Variants in CSMD1 observed in about 807,000 individuals in gnomAD.
The protein encoded by CSMD1 is CUB and Sushi multiple domains 1.
Under a neutral mutation model 417.5 loss-of-function variants are expected in CSMD1, and 213 were observed. The observed-to-expected ratio is 0.51, with a 90% confidence interval of 0.46 to 0.57. The LOEUF (loss-of-function observed/expected upper bound fraction) is 0.57, where lower values mean the gene tolerates loss of function less well. Ranked by LOEUF, CSMD1 falls within the 20% of genes least tolerant of loss-of-function variation. CSMD1 has a pLI of 0.00. For missense variants in CSMD1, 6,923 were observed against 4,529.7 expected (o/e 1.53, Z -15.17); for synonymous variants, 2,862 against 1,736.8 (o/e 1.65, Z -16.11).
intron 1 of CSMD1, among the ~76,000 whole-genome samples, chr8:4,993,523 A>G (rs1005870192): frequency 6.6e-6 from 1 of 151,258 alleles, no homozygotes; most frequent in South Asian, 2.1e-4. Context: ...ACATTCCCCA[A>G]CTCATTCAGG....
At chr8:4,027,450 C>G (rs1251649208) in intron 4 of CSMD1, among the ~76,000 whole-genome samples, 2 of 152,060 alleles carry the variant, frequency 1.3e-5, no homozygotes, top group Non-Finnish European at 1.5e-5. Context: ...GTCCTCCATG[C>G]TGTTCTTGTG....
chr8:4,056,069 G>A (rs1001401895), intron 3 of CSMD1, among the ~76,000 whole-genome samples: 3 of 144,722 alleles, frequency 2.1e-5, no homozygotes, highest in Non-Finnish European at 3.0e-5. Context: ...TTTGGATATT[G>A]GTGGCTTCCT....
chr8:3,383,332 A>G (rs1307199872), intron 18 of CSMD1, among the ~76,000 whole-genome samples: 1 of 152,210 alleles, frequency 6.6e-6, no homozygotes, highest in Non-Finnish European at 1.5e-5. Context: ...AGAACAACAG[A>G]ATGTCTTCAT....
intron 1 of CSMD1, among the ~76,000 whole-genome samples, chr8:4,907,503 C>G (rs1352798810): frequency 7.2e-6 from 1 of 139,844 alleles, no homozygotes; most frequent in East Asian, 2.1e-4. Context: ...TAACATCTTA[C>G]TAGAATTAAA....
chr8:4,428,970 T>A (rs1429742957), intron 2 of CSMD1, among the ~76,000 whole-genome samples: 1 of 152,032 alleles, frequency 6.6e-6, no homozygotes, highest in Non-Finnish European at 1.5e-5. Context: ...TGCCTCATCC[T>A]CCCAAAGTGC....
intron 1 of CSMD1, among the ~76,000 whole-genome samples, chr8:4,833,953 C>G (rs1373908183): frequency 6.6e-6 from 1 of 152,186 alleles, no homozygotes; most frequent in South Asian, 2.1e-4. Flanking sequence ...CCTGACTAGT[C>G]TTCACTATCT....
intron 1 of CSMD1, among the ~76,000 whole-genome samples, chr8:4,670,247 G>A (rs935686818): frequency 6.6e-6 from 1 of 152,196 alleles, no homozygotes; most frequent in Non-Finnish European, 1.5e-5. Flanking sequence ...ATGTAGAAGA[G>A]GCATGGCCTT....
intron 3 of CSMD1, among the ~76,000 whole-genome samples, chr8:4,236,667 C>T (rs534512329): frequency 6.6e-6 from 1 of 152,110 alleles, no homozygotes; most frequent in Non-Finnish European, 1.5e-5. Flanking sequence ...GAATTGCATG[C>T]TTATTTAAAC....
intron 1 of CSMD1, among the ~76,000 whole-genome samples, chr8:4,936,247 A>G (rs1807612301): frequency 6.6e-6 from 1 of 152,228 alleles, no homozygotes; most frequent in South Asian, 2.1e-4. Flanking sequence ...CAGATATTAT[A>G]TCATCAGATA....
At chr8:4,326,913 A>AGGAGGAAAATCCAT (rs1799593933) in intron 3 of CSMD1, among the ~76,000 whole-genome samples, 3 of 152,196 alleles carry the variant, frequency 2.0e-5, no homozygotes, top group Non-Finnish European at 2.9e-5. Flanking sequence ...AGGAAAAGTA[A>AGGAGGAAAATCCAT]GTTAGGAGCC....
At chr8:3,730,462 A>C (rs1802780332) in intron 6 of CSMD1, among the ~76,000 whole-genome samples, 1 of 151,280 alleles carries the variant, frequency 6.6e-6, no homozygotes, top group Admixed American at 6.6e-5. Context: ...CTGTCTAAGA[A>C]GGCTCTCAAG....
chr8:3,504,684 G>C (rs935919712), intron 10 of CSMD1, among the ~76,000 whole-genome samples: 1 of 152,066 alleles, frequency 6.6e-6, no homozygotes, highest in Admixed American at 6.5e-5. Flanking sequence ...CTTATCTTTT[G>C]AATTCCCGGC....
chr8:4,808,824 T>C (rs1264152457), intron 1 of CSMD1, among the ~76,000 whole-genome samples: 1 of 152,232 alleles, frequency 6.6e-6, no homozygotes, highest in African/African-American at 2.4e-5. Context: ...AAAGTGATAG[T>C]GCTTTCATGA....
At chr8:4,081,943 G>T (rs954923352) in intron 3 of CSMD1, among the ~76,000 whole-genome samples, 1 of 151,928 alleles carries the variant, frequency 6.6e-6, no homozygotes, top group Non-Finnish European at 1.5e-5. Context: ...TATTACACTC[G>T]AAAAACCATA....
chr8:3,960,410 A>G (rs147893953), intron 5 of CSMD1, among the ~76,000 whole-genome samples: 1 of 152,314 alleles, frequency 6.6e-6, no homozygotes, highest in East Asian at 1.9e-4. Flanking sequence ...ACCAGACAGA[A>G]GACTAGATAG....
At chr8:3,260,406 TA>T (rs1800971438) in intron 26 of CSMD1, among the ~76,000 whole-genome samples, 1 of 130,502 alleles carries the variant, frequency 7.7e-6, no homozygotes, top group Non-Finnish European at 1.8e-5. Context: ...GGAAAACACA[TA>T]GAAGGAGTAT....
At chr8:4,982,747 G>A (rs2924721) in intron 1 of CSMD1, among the ~76,000 whole-genome samples, 106,416 of 152,008 alleles carry the variant, frequency 0.7, 38,426 homozygotes, top group African/African-American at 0.86. Context: ...AGGAGATATA[G>A]ATCATACCCC....
chr8:4,452,903 G>C (rs575140740), intron 2 of CSMD1, among the ~76,000 whole-genome samples: 1 of 152,174 alleles, frequency 6.6e-6, no homozygotes, highest in African/African-American at 2.4e-5. Flanking sequence ...GAGAAGCAAC[G>C]ATGGGCACAG....
At chr8:4,618,892 G>A (rs1043915188) in intron 2 of CSMD1, among the ~76,000 whole-genome samples, 1 of 152,152 alleles carries the variant, frequency 6.6e-6, no homozygotes, top group Non-Finnish European at 1.5e-5. Context: ...AGAATAGACA[G>A]AGTGGGCTCT....
Sources: gnomAD v4.1 joint callset for allele counts (sites outside exome capture counted in the v4.1 genomes callset) on GRCh38, gnomAD v4.1.1 for gene constraint, MANE v1.5 for transcripts, NCBI Gene and HGNC (gene_info 2026-07-23, HGNC 2026-07-21) for gene names.